The following DPP10 variants were observed in gnomAD, a reference collection of about 807,000 sequenced individuals.
DPP10 encodes dipeptidyl peptidase like 10, also known as inactive dipeptidyl peptidase 10.
A neutral mutation model predicts 120.9 loss-of-function variants in DPP10; 33 were observed. That is an observed-to-expected ratio of 0.27 (90% confidence interval 0.21 to 0.37). The LOEUF is 0.37. Ranked by LOEUF, DPP10 falls within the 10% of genes least tolerant of loss-of-function variation. The probability of loss-of-function intolerance (pLI) is 1.00; values close to 1 mark genes in which losing one functional copy is unlikely to be tolerated. For synonymous variants in DPP10, 337 were observed against 326.1 expected, an observed-to-expected ratio of 1.03 and a Z score of -0.36; for missense variants, 816 against 942.8, an observed-to-expected ratio of 0.87 and a Z score of 1.76.
intron 17 of DPP10, among the ~76,000 whole-genome samples, chr2:115,787,135 C>T (rs1047415369): frequency 6.6e-5 from 10 of 152,156 alleles, no homozygotes; most frequent in African/African-American, 2.4e-4. Context: ...GCAACATATG[C>T]CAGAACAAAG....
At chr2:115,576,933 A>G (rs926058496) in intron 5 of DPP10, among the ~76,000 whole-genome samples, 3 of 152,200 alleles carry the variant, frequency 2.0e-5, no homozygotes, top group African/African-American at 4.8e-5. Flanking sequence ...AGCATTCACT[A>G]TTATTTTGGT....
intron 1 of DPP10, among the ~76,000 whole-genome samples, chr2:114,836,722 G>A (rs925470481): frequency 3.3e-5 from 5 of 152,060 alleles, no homozygotes; most frequent in Admixed American, 1.3e-4. Flanking sequence ...GAATTTCCTC[G>A]TCCTAATAAA....
chr2:115,646,037 A>G (rs777904697), intron 5 of DPP10, among the ~76,000 whole-genome samples: 3 of 152,136 alleles, frequency 2.0e-5, no homozygotes, highest in Admixed American at 6.6e-5. Flanking sequence ...ATACACATAT[A>G]TATTTCACTT....
chr2:115,061,327 CT>C (rs956662892), intron 1 of DPP10, among the ~76,000 whole-genome samples: 1 of 152,120 alleles, frequency 6.6e-6, no homozygotes. Flanking sequence ...GAATCATTTA[CT>C]TTTTTTCAAT....
At chr2:115,116,942 T>G (rs1459531215) in intron 1 of DPP10, among the ~76,000 whole-genome samples, 44 of 152,244 alleles carry the variant, frequency 2.9e-4, no homozygotes, top group Admixed American at 2.9e-3. Context: ...ATTTATCTTT[T>G]CTTGGAACTA....
At chr2:115,218,331 T>G (rs1223384678) in intron 1 of DPP10, among the ~76,000 whole-genome samples, 1 of 152,124 alleles carries the variant, frequency 6.6e-6, no homozygotes, top group African/African-American at 2.4e-5. Flanking sequence ...TGATCTCTTG[T>G]TACATATTTT....
intron 2 of DPP10, among the ~76,000 whole-genome samples, chr2:115,314,050 A>C (rs1370507562): frequency 6.6e-6 from 1 of 152,200 alleles, no homozygotes; most frequent in African/African-American, 2.4e-5. Context: ...CTACTTTGCA[A>C]TCTTGTTTTT....
At position 115,042,545 on chromosome 2, in the gene DPP10, C is replaced by T. The variant is rs552220758; in HGVS notation, c.61-266694C>T. 1.2e-4 allele frequency among the ~76,000 whole-genome samples: 18 copies of T among 152,296 alleles called. No homozygotes were observed. The South Asian group carries it at 3.7e-3, about 32-fold the overall frequency. ...CCTCCCAAATTGCTGGGATTACAGG[C>T]GTGAGCCACCACACTTGGCCTAATA... On this transcript the variant is annotated intron_variant, in intron 1 of 25. Transcript: ENST00000410059.
At chr2:115,475,281 A>T (rs1317961180) in intron 3 of DPP10, among the ~76,000 whole-genome samples, 2 of 152,182 alleles carry the variant, frequency 1.3e-5, no homozygotes, top group African/African-American at 4.8e-5. Context: ...ACCACTAGCC[A>T]TGGCTCAACA....
chr2:114,566,745 G>A (rs776506512), intron 1 of DPP10, among the ~76,000 whole-genome samples: 1 of 152,200 alleles, frequency 6.6e-6, no homozygotes, highest in East Asian at 1.9e-4. Context: ...ACACCAGGCA[G>A]GTGGTCTAGA....
At chr2:115,234,880 A>C (rs1574105898) in intron 1 of DPP10, among the ~76,000 whole-genome samples, 3 of 152,108 alleles carry the variant, frequency 2.0e-5, no homozygotes, top group Non-Finnish European at 1.5e-5. Context: ...AAAGTTGATC[A>C]TTGGAGAGAA....
At chr2:114,923,850 C>T (rs115760770) in intron 1 of DPP10, among the ~76,000 whole-genome samples, 2,768 of 151,832 alleles carry the variant, frequency 0.018, 90 homozygotes, top group African/African-American at 0.063. Context: ...TTCAATTATC[C>T]CTCATGTTTT....
chr2:115,780,584 AG>A (rs1682633166), intron 15 of DPP10, among the ~76,000 whole-genome samples: 1 of 151,886 alleles, frequency 6.6e-6, no homozygotes, highest in Non-Finnish European at 1.5e-5. Context: ...AGTTAATTTG[AG>A]TTCCATTGAA....
intron 7 of DPP10, among the ~76,000 whole-genome samples, chr2:115,707,838 C>A (rs2149557890): frequency 6.6e-6 from 1 of 151,656 alleles, no homozygotes; most frequent in African/African-American, 2.4e-5. Flanking sequence ...AACATTCCCC[C>A]AAAACAAAAA....
intron 8 of DPP10, among the ~76,000 whole-genome samples, chr2:115,728,191 A>G (rs2092811550): frequency 6.6e-6 from 1 of 151,986 alleles, no homozygotes; most frequent in East Asian, 1.9e-4. Context: ...TTGTGAGGAC[A>G]ACTAATGAAA....
At chr2:115,279,268 A>T (rs2060043174) in intron 1 of DPP10, among the ~76,000 whole-genome samples, 1 of 152,206 alleles carries the variant, frequency 6.6e-6, no homozygotes, top group African/African-American at 2.4e-5. Flanking sequence ...GAACACCATG[A>T]AGAGAATCTC....
intron 2 of DPP10, among the ~76,000 whole-genome samples, chr2:115,323,635 G>A (rs1333269455): frequency 6.6e-6 from 1 of 152,084 alleles, no homozygotes; most frequent in Non-Finnish European, 1.5e-5. Context: ...TACCAACATT[G>A]GAAAATCAAA....
At chr2:115,040,989 GGT>G (rs1344996991) in intron 1 of DPP10, among the ~76,000 whole-genome samples, 1 of 151,804 alleles carries the variant, frequency 6.6e-6, no homozygotes, top group Non-Finnish European at 1.5e-5. Context: ...CATTGTGGTG[GGT>G]GCCTGTCATC....
intron 1 of DPP10, among the ~76,000 whole-genome samples, chr2:115,051,508 A>G (rs1432628617): frequency 6.6e-6 from 1 of 152,220 alleles, no homozygotes; most frequent in African/African-American, 2.4e-5. Context: ...CTAGACAGCT[A>G]CTTGAATCCA....
Sources: gnomAD v4.1 joint callset for allele counts (sites outside exome capture counted in the v4.1 genomes callset) on GRCh38, gnomAD v4.1.1 for gene constraint, MANE v1.5 for transcripts, NCBI Gene and HGNC (gene_info 2026-07-23, HGNC 2026-07-21) for gene names.